The following UNC5D variants were observed in gnomAD, a reference collection of about 807,000 sequenced individuals.
UNC5D encodes the protein unc-5 netrin receptor D.
UNC5D carries 39 observed loss-of-function variants against 105.4 expected under a neutral mutation model. That is an observed-to-expected ratio of 0.37 (90% confidence interval 0.29 to 0.48). The LOEUF is 0.48. UNC5D is among the 20% of genes least tolerant of loss of function. UNC5D has a pLI of 0.98. For synonymous variants in UNC5D, 452 were observed against 450.4 expected (o/e 1.00, Z -0.04); for missense variants, 991 against 1,202.4 (o/e 0.82, Z 2.60).
chr8:35,769,920 A>G (rs1481585289), intron 15 of UNC5D, among the ~76,000 whole-genome samples: 3 of 152,242 alleles, frequency 2.0e-5, no homozygotes, highest in South Asian at 4.2e-4. Flanking sequence ...ATGAGATCAC[A>G]CCACTGCACT....
chr8:35,566,146 A>G (rs923314886), intron 2 of UNC5D, among the ~76,000 whole-genome samples: 4 of 152,190 alleles, frequency 2.6e-5, no homozygotes, highest in Admixed American at 6.5e-5. Flanking sequence ...GTGAGTTACC[A>G]ACTGTCATCA....
At chr8:35,469,117 C>T (rs1809523720) in intron 1 of UNC5D, among the ~76,000 whole-genome samples, 1 of 152,200 alleles carries the variant, frequency 6.6e-6, no homozygotes, top group South Asian at 2.1e-4. Flanking sequence ...AACCTATTCT[C>T]ATCAAAGAGA....
At chr8:35,610,610 G>C (rs1324693697) in intron 4 of UNC5D, among the ~76,000 whole-genome samples, 1 of 152,090 alleles carries the variant, frequency 6.6e-6, no homozygotes, top group Non-Finnish European at 1.5e-5. Flanking sequence ...GATGCCTAGA[G>C]TTACATAGAA....
intron 1 of UNC5D, among the ~76,000 whole-genome samples, chr8:35,450,240 A>T (rs1808056106): frequency 6.6e-6 from 1 of 152,092 alleles, no homozygotes; most frequent in Admixed American, 6.6e-5. Context: ...CACACTAGTG[A>T]CTCACTAAAA....
intron 14 of UNC5D, among the ~76,000 whole-genome samples, chr8:35,760,422 T>A (rs562519236): frequency 9.6e-4 from 142 of 147,552 alleles, no homozygotes; most frequent in African/African-American, 3.2e-3. Context: ...ATTAGAGATT[T>A]AAAAAAAAAA....
rs1303050450 is a variant in UNC5D, at chr8:35,439,685, AT to A, written c.104-109606del. 2.0e-5 allele frequency among the ~76,000 whole-genome samples: 3 copies of A among 152,038 alleles called. No homozygotes were observed. The East Asian group carries it at 5.8e-4, about 29-fold the overall frequency. ...CTTTGTCATTCCCAAGAAGGGTGTC[AT>A]CTTCTAAATATGGAAAGTCCTTTTT... is the stretch of plus-strand genomic sequence containing the variant. On this transcript the variant is annotated intron_variant, in intron 1 of 16. Transcript: ENST00000404895.
At chr8:35,511,753 AC>A (rs1563487473) in intron 1 of UNC5D, among the ~76,000 whole-genome samples, 2 of 150,966 alleles carry the variant, frequency 1.3e-5, no homozygotes, top group African/African-American at 4.9e-5. Context: ...AAAAAAAAAA[AC>A]CCTCAAAGTT....
chr8:35,449,186 T>C (rs763923495), intron 1 of UNC5D, among the ~76,000 whole-genome samples: 6 of 152,200 alleles, frequency 3.9e-5, no homozygotes, highest in Non-Finnish European at 8.8e-5. Flanking sequence ...TATAATTTCT[T>C]AATGATTAGT....
At chr8:35,238,117 C>T (rs1480381025) in intron 1 of UNC5D, among the ~76,000 whole-genome samples, 1 of 152,116 alleles carries the variant, frequency 6.6e-6, no homozygotes, top group Non-Finnish European at 1.5e-5. Context: ...CTTTGCTTGC[C>T]CTAACCAACG....
chr8:35,793,433 T>G lies in UNC5D; in HGVS notation c.*2870T>G, dbSNP rs1004695003. 4 of 164,564 alleles carry G rather than the reference T, an allele frequency of 2.4e-5. No homozygotes were observed. In the South Asian group the frequency reaches 5.9e-4, roughly 24 times the overall value. The allele number at this position is 164,564 out of a possible 1,614,324, so 10.2% of individuals were successfully genotyped here. On this transcript the variant is annotated 3_prime_UTR_variant, in exon 17 of 17. Transcript: ENST00000404895. Reference sequence around the variant, plus strand: ...TATCCAAGCACTTAATTTGGAAATTTTATTGTCCTATTGCAAAATGAAACA... The same window carrying G: ...TATCCAAGCACTTAATTTGGAAATTGTATTGTCCTATTGCAAAATGAAACA...
In UNC5D at chr8:35,564,999, G is replaced by A. The variant is rs188179761; in HGVS notation, c.323-3099G>A. On this transcript the variant is annotated intron_variant, in intron 2 of 16. Transcript: ENST00000404895. ...TCTTTGTCCATTTATTTGTTGACGG[G>A]CCCTTAGCTTGATTCCCTATCTTTG... Among the ~76,000 whole-genome samples the A allele has an allele frequency of 2.6e-3, 391 of 152,132 alleles. 2 individuals are homozygous for A. Among genetic ancestry groups the A allele is most frequent in the African/African-American group, 8.9e-3 (371 of 41,494 alleles).
intron 4 of UNC5D, among the ~76,000 whole-genome samples, chr8:35,597,499 T>C (rs1819562293): frequency 6.6e-6 from 1 of 152,064 alleles, no homozygotes. Context: ...CTTTCAAAAA[T>C]CCCAGTTTAC....
At chr8:35,388,865 A>G (rs2128938990) in intron 1 of UNC5D, among the ~76,000 whole-genome samples, 1 of 152,352 alleles carries the variant, frequency 6.6e-6, no homozygotes, top group Middle Eastern at 3.4e-3. Flanking sequence ...TTTTGAGGTG[A>G]AATTTTGGCA....
At chr8:35,290,543 C>G (rs1806971718) in intron 1 of UNC5D, among the ~76,000 whole-genome samples, 1 of 152,080 alleles carries the variant, frequency 6.6e-6, no homozygotes, top group Admixed American at 6.5e-5. Flanking sequence ...TTCTAATAGA[C>G]AGGAAGAGTA....
At chr8:35,624,937 T>C (rs760979597) in intron 4 of UNC5D, among the ~76,000 whole-genome samples, 10 of 151,296 alleles carry the variant, frequency 6.6e-5, no homozygotes, top group Non-Finnish European at 1.2e-4. Flanking sequence ...TACGGGAATG[T>C]TAATTATTAT....
At chr8:35,318,159 T>C (rs1809445088) in intron 1 of UNC5D, among the ~76,000 whole-genome samples, 1 of 152,112 alleles carries the variant, frequency 6.6e-6, no homozygotes, top group Non-Finnish European at 1.5e-5. Flanking sequence ...TCCTGTCATT[T>C]TCATGCGCTG....
chr8:35,430,010 CT>C (rs1298637947), intron 1 of UNC5D, among the ~76,000 whole-genome samples: 1 of 152,142 alleles, frequency 6.6e-6, no homozygotes, highest in Non-Finnish European at 1.5e-5. Flanking sequence ...TGAAATACAA[CT>C]GCTAATATCC....
intron 3 of UNC5D, among the ~76,000 whole-genome samples, chr8:35,585,616 G>A (rs1818743418): frequency 6.6e-6 from 1 of 151,704 alleles, no homozygotes; most frequent in African/African-American, 2.4e-5. Flanking sequence ...GAAAAGTTTT[G>A]TGCTATGTGC....
At chr8:35,386,889 A>T (rs147004387) in intron 1 of UNC5D, among the ~76,000 whole-genome samples, 4 of 151,854 alleles carry the variant, frequency 2.6e-5, no homozygotes, top group African/African-American at 9.7e-5. Flanking sequence ...TTTATTTTTC[A>T]CTCTGAATTT....
Sources: gnomAD v4.1 joint callset for allele counts (sites outside exome capture counted in the v4.1 genomes callset) on GRCh38, gnomAD v4.1.1 for gene constraint, MANE v1.5 for transcripts, NCBI Gene and HGNC (gene_info 2026-07-23, HGNC 2026-07-21) for gene names.